Variants in ANXA8 observed in about 807,000 individuals in gnomAD.
The protein encoded by ANXA8 is VAC-beta.
A neutral mutation model predicts 26.8 loss-of-function variants in ANXA8; 9 were observed. That is an observed-to-expected ratio of 0.34 (90% CI 0.20 to 0.59). The LOEUF is 0.59. ANXA8 is among the 20% of genes least tolerant of loss of function. The pLI is 0.84. For missense variants in ANXA8, 83 were observed against 238.5 expected (o/e 0.35, Z 4.29); for synonymous variants, 39 against 94.8 (o/e 0.41, Z 3.42).
chr10:47,665,800 C>T, the ANXA8 span, among the ~76,000 whole-genome samples: 1 of 151,546 alleles, frequency 6.6e-6, no homozygotes, highest in Non-Finnish European at 1.5e-5. Flanking sequence ...TGCCTGGGAT[C>T]CCAACTTTAT....
the ANXA8 span, among the ~76,000 whole-genome samples, chr10:47,603,869 A>C: frequency 2.2e-4 from 29 of 133,978 alleles, no homozygotes; most frequent in Admixed American, 1.8e-3. Context: ...CCTACTACAA[A>C]CATTGTATGC....
the ANXA8 span, among the ~76,000 whole-genome samples, chr10:47,684,423 T>TTG: frequency 0.065 from 8,323 of 128,164 alleles, no homozygotes; most frequent in East Asian, 0.2. Flanking sequence ...AGTTTTTTTT[T>TTG]GGGGGGGGGG....
chr10:47,691,068 A>G, the ANXA8 span: 2 of 1,611,022 alleles, frequency 1.2e-6, no homozygotes, highest in African/African-American at 1.3e-5. Context: ...TGCCATGTGA[A>G]GGAAATAAAC....
chr10:47,703,386 G>A, the ANXA8 span, among the ~76,000 whole-genome samples: 4 of 151,700 alleles, frequency 2.6e-5, no homozygotes, highest in Admixed American at 6.6e-5. Flanking sequence ...TGGGCAACAT[G>A]GCAAAACCCT....
At chr10:47,660,474 C>G in the ANXA8 span, among the ~76,000 whole-genome samples, 1 of 150,628 alleles carries the variant, frequency 6.6e-6, no homozygotes, top group East Asian at 2.0e-4. Context: ...GATCTCGGCT[C>G]ACTGCATCCT....
the ANXA8 span, among the ~76,000 whole-genome samples, chr10:47,646,411 A>G: frequency 6.9e-6 from 1 of 144,550 alleles, no homozygotes; most frequent in Non-Finnish European, 1.5e-5. Flanking sequence ...TTTTTTACTC[A>G]TTGAAAAAAC....
At chr10:47,544,127 G>A in the ANXA8 span, among the ~76,000 whole-genome samples, 36 of 151,910 alleles carry the variant, frequency 2.4e-4, no homozygotes, top group Non-Finnish European at 4.0e-4. Flanking sequence ...ACTGAAAACC[G>A]AGGCTGAACG....
chr10:47,646,853 T>C, the ANXA8 span, among the ~76,000 whole-genome samples: 211 of 152,196 alleles, frequency 1.4e-3, 2 homozygotes, highest in East Asian at 0.038. Flanking sequence ...AGTAACAAAA[T>C]AGAAACTAAG....
At chr10:47,503,874 A>G in the ANXA8 span, among the ~76,000 whole-genome samples, 29 of 95,534 alleles carry the variant, frequency 3.0e-4, 1 homozygote, top group African/African-American at 1.1e-3. Context: ...TGGGAGGCAG[A>G]GCCTGCAGTG....
chr10:47,671,422 A>AAAAAC, the ANXA8 span, among the ~76,000 whole-genome samples: 5,559 of 149,696 alleles, frequency 0.037, 171 homozygotes, highest in African/African-American at 0.11. Flanking sequence ...ACCCTGTCTC[A>AAAAAC]AAAACAAAAC....
At chr10:47,684,831 C>G in the ANXA8 span, among the ~76,000 whole-genome samples, 1 of 150,462 alleles carries the variant, frequency 6.6e-6, no homozygotes. Context: ...AGTGATCTGC[C>G]CACCTCGGCC....
At chr10:47,777,479 T>C in the ANXA8 span, among the ~76,000 whole-genome samples, 1 of 152,180 alleles carries the variant, frequency 6.6e-6, no homozygotes, top group Non-Finnish European at 1.5e-5. Flanking sequence ...TATGGTGTAT[T>C]GCCCTGGAAC....
the ANXA8 span, among the ~76,000 whole-genome samples, chr10:47,600,534 C>T: frequency 1.3e-5 from 2 of 148,900 alleles, no homozygotes; most frequent in South Asian, 4.2e-4. Flanking sequence ...GAGGCACTAT[C>T]ACTAGGAGGA....
chr10:47,709,967 A>C, the ANXA8 span, among the ~76,000 whole-genome samples: 1 of 99,832 alleles, frequency 1.0e-5, no homozygotes, highest in Non-Finnish European at 1.9e-5. Flanking sequence ...TTAACAAAGT[A>C]AAGAAGTATG....
chr10:47,911,352 CTGCAG>C, the ANXA8 span, among the ~76,000 whole-genome samples: 1 of 149,724 alleles, frequency 6.7e-6, no homozygotes, highest in African/African-American at 2.5e-5. Flanking sequence ...ACCGCCTCAT[CTGCAG>C]GCTCCACTAA....
At chr10:47,491,660 C>T in the ANXA8 span, 310 of 1,539,804 alleles carry the variant, frequency 2.0e-4, 7 homozygotes, top group African/African-American at 3.6e-3. Flanking sequence ...CCAGCTTCCC[C>T]AGGCCTCCCA....
the ANXA8 span, among the ~76,000 whole-genome samples, chr10:47,671,715 A>G: frequency 2.0e-5 from 3 of 151,862 alleles, no homozygotes; most frequent in Non-Finnish European, 4.4e-5. Flanking sequence ...TTGGCAAATG[A>G]TGAAGCTGAG....
chr10:47,619,043 A>G, the ANXA8 span, among the ~76,000 whole-genome samples: 2 of 113,340 alleles, frequency 1.8e-5, 1 homozygote, highest in Non-Finnish European at 3.9e-5. Context: ...TGAACAATAC[A>G]CAATCGCTTG....
chr10:47,918,415 AAGAAAGAAAGAAAGAAAG>A, the ANXA8 span, among the ~76,000 whole-genome samples: 11 of 32,008 alleles, frequency 3.4e-4, no homozygotes, highest in Admixed American at 1.1e-3. Context: ...GAAAGAAAGA[AAGAAAGAAAGAAAGAAAG>A]AGAGAGAGAA....
Sources: allele counts gnomAD v4.1 joint callset (sites outside exome capture counted in the v4.1 genomes callset), GRCh38; gene constraint gnomAD v4.1.1; transcripts MANE v1.5; gene names NCBI Gene and HGNC (gene_info 2026-07-23, HGNC 2026-07-21).